The following CHID1 variants were observed in gnomAD, a reference collection of about 807,000 sequenced individuals.
CHID1 encodes chitinase domain containing 1, also known as chitinase domain-containing protein 1.
A neutral mutation model predicts 55.4 loss-of-function variants in CHID1; 44 were observed. The ratio of observed to expected loss-of-function variants is 0.79; its 90% confidence interval spans 0.62 to 1.02. The LOEUF is 1.02. CHID1 is among the 50% of genes least tolerant of loss of function. The pLI, the probability that CHID1 is intolerant of heterozygous loss-of-function variation, is 0.00. For synonymous variants in CHID1, 216 were observed against 212.9 expected (o/e 1.01, Z -0.13); for missense variants, 491 against 515.3 (o/e 0.95, Z 0.46).
intron 7 of CHID1, among the ~76,000 whole-genome samples, chr11:897,894 G>A (rs1851496939): frequency 2.6e-5 from 4 of 152,182 alleles, no homozygotes; most frequent in African/African-American, 9.6e-5. Flanking sequence ...GAACCACACT[G>A]AGGGGTGCTG....
chr11:909,983 C>G (rs1176324989), intron 1 of CHID1, among the ~76,000 whole-genome samples: 1 of 151,988 alleles, frequency 6.6e-6, no homozygotes. Context: ...TCCCTTAAGC[C>G]CAGAAGCGGA....
intron 9 of CHID1, among the ~76,000 whole-genome samples, chr11:883,725 A>G (rs1315727230): frequency 6.6e-6 from 1 of 152,258 alleles, no homozygotes; most frequent in Non-Finnish European, 1.5e-5. Context: ...ATCCTTCCTG[A>G]GGTCTCCCTG....
chr11:872,730 C>T (rs1849258966), intron 10 of CHID1, among the ~76,000 whole-genome samples: 1 of 152,242 alleles, frequency 6.6e-6, no homozygotes, highest in African/African-American at 2.4e-5. Flanking sequence ...TGCAGCGTCC[C>T]CCCTCAATAT....
upstream of CHID1, among the ~76,000 whole-genome samples, chr11:911,787 T>TA (rs771695939): frequency 6.2e-4 from 94 of 152,214 alleles, no homozygotes; most frequent in Non-Finnish European, 1.2e-3. Context: ...TGTGGGCTCT[T>TA]ACTCAGCTTA....
rs756381901 is a variant in CHID1 at position 900,100 on chromosome 11, G to C, written c.450C>G (p.Leu150=). The change falls in exon 6 of 13, where the codon CTC becomes CTG. Residue 150 remains leucine (L), a synonymous_variant. Transcript: ENST00000323578. ...CATCGTAAGTCCAGTCCTCAAACAG[G>C]AGCCGAGGCACTGCAGGGGCAACAG... ...HAKGLHIVPR[L]LFEDWTYDDF... 8.7e-6 allele frequency: 14 copies of C among 1,613,694 alleles called. No individual in the cohort carries two copies. The highest frequency in any genetic ancestry group is 2.2e-5 in the South Asian group (2 of 91,068).
intron 7 of CHID1, among the ~76,000 whole-genome samples, chr11:899,102 G>A (rs1176852773): frequency 6.6e-6 from 1 of 152,284 alleles, no homozygotes; most frequent in African/African-American, 2.4e-5. Context: ...GCAGCAATGC[G>A]CTCGGAGCCG....
intron 6 of CHID1, among the ~76,000 whole-genome samples, 191 bp from the exon 7 acceptor site, chr11:899,592 G>A (rs1851648734): frequency 6.6e-6 from 1 of 152,264 alleles, no homozygotes; most frequent in Non-Finnish European, 1.5e-5. Flanking sequence ...CAGAGGAACA[G>A]GAGTGGAGGG....
intron 4 of CHID1, among the ~76,000 whole-genome samples, chr11:901,199 T>G (rs1851783442): frequency 6.6e-6 from 1 of 152,110 alleles, no homozygotes; most frequent in African/African-American, 2.4e-5. Context: ...GCCCCCTTCC[T>G]GACCCTGCAG....
At chr11:878,521 C>T (rs1313916943) in intron 10 of CHID1, among the ~76,000 whole-genome samples, 1 of 151,710 alleles carries the variant, frequency 6.6e-6, no homozygotes, top group East Asian at 2.0e-4. Context: ...CAAGATCGCA[C>T]CATTGCACTC....
intron 10 of CHID1, among the ~76,000 whole-genome samples, chr11:882,100 G>A (rs919053012): frequency 1.3e-5 from 2 of 152,192 alleles, no homozygotes; most frequent in Admixed American, 6.5e-5. Context: ...GCCAAGGTGG[G>A]CGGATCATGA....
chr11:869,883 A>C lies in CHID1; in HGVS notation c.1157T>G (p.Leu386Arg), dbSNP rs1199673911. ...CTAGAGCAGGTCGTAGAAGTAGTCC[A>C]GGCCCTGGCCCAGCTCCCAGATAGA... ...GVSIWELGQG[L>R]DYFYDLL The change falls in exon 13 of 13, where the codon CTG becomes CGG. Residue 386 changes from leucine to arginine, a missense_variant. By Grantham distance (102) the Leu-to-Arg change is moderately radical. Transcript: ENST00000323578. The C allele has an allele frequency of 6.2e-7, 1 of 1,613,142 alleles. No homozygotes were observed. The highest frequency in any genetic ancestry group is 8.5e-7 in the Non-Finnish European group (1 of 1,179,956).
Position 870,410 on chromosome 11 carries a change from A to C in CHID1, c.1040+9T>G. The C allele has an allele frequency of 6.2e-7, 1 of 1,606,388 alleles. No homozygotes were observed. On this transcript the variant is annotated intron_variant, in intron 11 of 12. Transcript: ENST00000323578. Reference sequence around the variant, plus strand: ...GGCCAAGGTGGGCCACGCACTTCAAAACACTCACTTCTTGTACTCGAAGAA... The same window carrying C: ...GGCCAAGGTGGGCCACGCACTTCAACACACTCACTTCTTGTACTCGAAGAA...
In CHID1 at chr11:868,511, A is replaced by G. The variant is rs1423521343; in HGVS notation, c.*1347T>C. 1 of 151,862 alleles carries G rather than the reference A, an allele frequency of 6.6e-6. No individual in the cohort carries two copies. The highest frequency in any genetic ancestry group is 1.9e-4 in the East Asian group (1 of 5,170). The allele number at this position is 151,862 out of a possible 1,614,324, so 9.4% of individuals were successfully genotyped here. A position where few individuals can be genotyped will look rare whatever the true frequency, so the allele number is the denominator to read the frequency against. ...ATTACAGGCATGAACCGCCGCACAC[A>G]CCACTTGTATCTCCTATGCCCGTGT... On this transcript the variant is annotated 3_prime_UTR_variant, in exon 13 of 13. Transcript: ENST00000323578.
chr11:884,391 G>C (rs980773552), intron 8 of CHID1, among the ~76,000 whole-genome samples: 1 of 152,222 alleles, frequency 6.6e-6, no homozygotes, highest in African/African-American at 2.4e-5. Flanking sequence ...AGGCCTCTCT[G>C]AGACCAGGGT....
At chr11:873,063 G>C (rs1408778337) in intron 10 of CHID1, among the ~76,000 whole-genome samples, 1 of 152,172 alleles carries the variant, frequency 6.6e-6, no homozygotes, top group African/African-American at 2.4e-5. Context: ...CTACTCCCAA[G>C]CAGGCCCTGG....
At chr11:871,608 C>T (rs1444814393) in intron 10 of CHID1, among the ~76,000 whole-genome samples, 2 of 4,144 alleles carry the variant, frequency 4.8e-4, no homozygotes, top group African/African-American at 8.6e-4. Context: ...GTGCCTGCTG[C>T]GTGAGGACAG....
In CHID1 at chr11:903,122, A is replaced by T. The variant is rs987202432; in HGVS notation, c.112-11T>A. On this transcript the variant is annotated splice_polypyrimidine_tract_variant and intron_variant, in intron 2 of 12. Transcript: ENST00000323578. ...ATCTGAAAACTGACTCTGAAATAAA[A>T]GGAGTGAGAGAAAAGCCTCAGTCAT... The T allele has an allele frequency of 1.2e-6, 2 of 1,605,616 alleles. No individual in the cohort carries two copies. Among genetic ancestry groups the T allele is most frequent in the Non-Finnish European group, 1.7e-6 (2 of 1,179,848 alleles).
chr11:873,458 A>T (rs1849304030), intron 10 of CHID1, among the ~76,000 whole-genome samples: 1 of 152,112 alleles, frequency 6.6e-6, no homozygotes, highest in African/African-American at 2.4e-5. Context: ...CGCAGGCACC[A>T]GCCACAGTGA....
intron 9 of CHID1, 119 bp from the exon 10 acceptor site, chr11:883,422 G>T: frequency 9.2e-7 from 1 of 1,083,934 alleles, no homozygotes; most frequent in Non-Finnish European, 1.3e-6. Context: ...CCTCTAGAGA[G>T]TTGTAAAGAA....
Sources: gnomAD v4.1 joint callset for allele counts (sites outside exome capture counted in the v4.1 genomes callset) on GRCh38, gnomAD v4.1.1 for gene constraint, MANE v1.5 for transcripts, NCBI Gene and HGNC (gene_info 2026-07-23, HGNC 2026-07-21) for gene names.